Variants in ROBO1 observed in about 807,000 individuals in gnomAD.
ROBO1 encodes roundabout guidance receptor 1, also known as roundabout homolog 1.
Under a neutral mutation model 195.9 loss-of-function variants are expected in ROBO1, and 149 were observed. The ratio of observed to expected loss-of-function variants is 0.76; its 90% CI spans 0.67 to 0.87. ROBO1 has a LOEUF of 0.87. Among genes scored for constraint, ROBO1 ranks in the 40% least tolerant of loss-of-function variants. ROBO1 has a pLI of 0.00. For missense variants in ROBO1, 1,933 were observed against 2,068.3 expected (o/e 0.93, Z 1.27); for synonymous variants, 816 against 733.2 (o/e 1.11, Z -1.82).
At chr3:79,448,212 G>C (rs1051528524) in intron 2 of ROBO1, among the ~76,000 whole-genome samples, 1 of 152,118 alleles carries the variant, frequency 6.6e-6, no homozygotes, top group Non-Finnish European at 1.5e-5. Context: ...TTTCATATTA[G>C]GCAATGATTT....
At chr3:78,717,233 A>G in intron 7 of ROBO1, 42 bp downstream of exon 7, 1 of 1,515,606 alleles carries the variant, frequency 6.6e-7, no homozygotes, top group Non-Finnish European at 8.8e-7. Flanking sequence ...AAACGTAGAA[A>G]TGCTGAGTTG....
intron 2 of ROBO1, among the ~76,000 whole-genome samples, chr3:79,571,761 G>A (rs982748631): frequency 3.9e-5 from 6 of 152,054 alleles, no homozygotes; most frequent in African/African-American, 1.4e-4. Context: ...ATGTGAGATA[G>A]TCTCAGTTAT....
intron 4 of ROBO1, among the ~76,000 whole-genome samples, chr3:78,919,812 T>A (rs2038836928): frequency 6.6e-6 from 1 of 152,256 alleles, no homozygotes; most frequent in African/African-American, 2.4e-5. Context: ...TACCTCCTTT[T>A]AGCCCATCTC....
At chr3:79,519,407 GATC>G (rs1268151107) in intron 2 of ROBO1, among the ~76,000 whole-genome samples, 1 of 151,866 alleles carries the variant, frequency 6.6e-6, no homozygotes, top group East Asian at 1.9e-4. Context: ...GAAACGGGTG[GATC>G]ACGAGGTCAG....
intron 1 of ROBO1, among the ~76,000 whole-genome samples, chr3:79,700,288 CGTG>C (rs1947576843): frequency 6.8e-6 from 1 of 147,648 alleles, no homozygotes; most frequent in South Asian, 2.1e-4. Context: ...GTGATGAACA[CGTG>C]TGTGTGTGTG....
chr3:78,694,169 G>C (rs560475476), intron 8 of ROBO1, among the ~76,000 whole-genome samples: 69 of 152,148 alleles, frequency 4.5e-4, no homozygotes, highest in African/African-American at 1.6e-3. Flanking sequence ...AATAGAGAAA[G>C]CTCAAATAAT....
At chr3:79,263,722 C>G (rs976245710) in intron 2 of ROBO1, among the ~76,000 whole-genome samples, 7 of 151,988 alleles carry the variant, frequency 4.6e-5, no homozygotes, top group Non-Finnish European at 1.0e-4. Context: ...CATCATCAGT[C>G]TTCCTGTTTT....
At chr3:79,444,646 A>G (rs1293601035) in intron 2 of ROBO1, among the ~76,000 whole-genome samples, 4 of 152,254 alleles carry the variant, frequency 2.6e-5, no homozygotes, top group African/African-American at 7.2e-5. Flanking sequence ...GCACCAGTAG[A>G]TAAATACATT....
chr3:79,271,918 C>T (rs2030596595), intron 2 of ROBO1, among the ~76,000 whole-genome samples: 1 of 151,900 alleles, frequency 6.6e-6, no homozygotes, highest in African/African-American at 2.4e-5. Context: ...AATGTGGATT[C>T]TGGAATACAT....
chr3:79,527,270 ATAAT>A (rs1234184990), intron 2 of ROBO1, among the ~76,000 whole-genome samples: 2 of 152,150 alleles, frequency 1.3e-5, no homozygotes, highest in Non-Finnish European at 2.9e-5. Context: ...GTCTACACTA[ATAAT>A]TAAAAAGAAA....
At chr3:79,422,804 A>G (rs1208622355) in intron 2 of ROBO1, among the ~76,000 whole-genome samples, 1 of 152,094 alleles carries the variant, frequency 6.6e-6, no homozygotes, top group Non-Finnish European at 1.5e-5. Flanking sequence ...GTGCAATATA[A>G]AAGTAGAATC....
intron 1 of ROBO1, among the ~76,000 whole-genome samples, chr3:79,663,190 C>T (rs898342013): frequency 6.6e-6 from 1 of 151,970 alleles, no homozygotes; most frequent in African/African-American, 2.4e-5. Flanking sequence ...GGTTTACGAA[C>T]CTTATCACTC....
At position 79,280,734 on chromosome 3, in the gene ROBO1, A is replaced by C. The variant is rs116823007; in HGVS notation, c.89-155195T>G. 8.4e-3 allele frequency among the ~76,000 whole-genome samples: 1,284 copies of C among 152,280 alleles called. 7 individuals carry two copies. The highest frequency in any genetic ancestry group is 0.017 in the Middle Eastern group (5 of 294). ...TTCGGGATGAAACTGTTCATCCCGA[A>C]CAGTTTCAAGCATTCGATTGACCTC... On this transcript the variant is annotated intron_variant, in intron 2 of 30. Transcript: ENST00000464233.
At chr3:78,745,094 G>A (rs1576071584) in intron 5 of ROBO1, among the ~76,000 whole-genome samples, 1 of 151,978 alleles carries the variant, frequency 6.6e-6, no homozygotes, top group Non-Finnish European at 1.5e-5. Context: ...CATATCATGA[G>A]GTCAGAAGAT....
chr3:79,204,554 A>T (rs1254358349), intron 2 of ROBO1, among the ~76,000 whole-genome samples: 3 of 152,058 alleles, frequency 2.0e-5, no homozygotes, highest in Non-Finnish European at 4.4e-5. Flanking sequence ...TTTTTCCGAG[A>T]CATGCTTTGT....
intron 2 of ROBO1, among the ~76,000 whole-genome samples, chr3:79,557,562 T>C (rs1942747134): frequency 6.6e-6 from 1 of 151,522 alleles, no homozygotes; most frequent in Non-Finnish European, 1.5e-5. Flanking sequence ...GGCGAAACCC[T>C]GTCTGCACTA....
At chr3:79,754,952 C>A (rs1704311219) in intron 1 of ROBO1, among the ~76,000 whole-genome samples, 1 of 152,174 alleles carries the variant, frequency 6.6e-6, no homozygotes, top group Non-Finnish European at 1.5e-5. Context: ...GTGATATCGG[C>A]TCACTGCAAC....
At chr3:79,687,078 C>A (rs1329505210) in intron 1 of ROBO1, among the ~76,000 whole-genome samples, 5 of 152,160 alleles carry the variant, frequency 3.3e-5, no homozygotes, top group Non-Finnish European at 7.3e-5. Flanking sequence ...CTACAACCGT[C>A]TGATCTTTGA....
intron 3 of ROBO1, among the ~76,000 whole-genome samples, chr3:79,063,088 G>T (rs750241480): frequency 1.3e-5 from 2 of 151,882 alleles, no homozygotes; most frequent in Non-Finnish European, 2.9e-5. Flanking sequence ...TGTAGATTCT[G>T]CTGCAACTAC....
Sources: allele counts gnomAD v4.1 joint callset (sites outside exome capture counted in the v4.1 genomes callset), GRCh38; gene constraint gnomAD v4.1.1; transcripts MANE v1.5; gene names NCBI Gene and HGNC (gene_info 2026-07-23, HGNC 2026-07-21).